Variants in TUSC3 observed in about 807,000 individuals in gnomAD.
The protein encoded by TUSC3 is dolichyl-diphosphooligosaccharide--protein glycosyltransferase subunit TUSC3.
In TUSC3, 45 loss-of-function variants were observed where a neutral mutation model predicts 44.8. The observed-to-expected ratio is 1.00, with a 90% CI of 0.79 to 1.29. TUSC3 has a LOEUF of 1.29. Among genes scored for constraint, TUSC3 ranks in the 50% most tolerant of loss-of-function variants. The probability of loss-of-function intolerance (pLI) is 0.00; values close to 1 mark genes in which losing one functional copy is unlikely to be tolerated. For missense variants in TUSC3, 519 were observed against 437.9 expected, an observed-to-expected ratio of 1.19 and a Z score of -1.65; for synonymous variants, 212 against 152.9, an observed-to-expected ratio of 1.39 and a Z score of -2.85.
At chr8:15,508,800 C>T (rs1038699825) in intron 2 of TUSC3, among the ~76,000 whole-genome samples, 4 of 152,080 alleles carry the variant, frequency 2.6e-5, no homozygotes, top group African/African-American at 4.8e-5. Context: ...AAAAAGTAGG[C>T]ATTAATAAAG....
chr8:15,846,582 T>A, the TUSC3 span, among the ~76,000 whole-genome samples: 1 of 151,922 alleles, frequency 6.6e-6, no homozygotes, highest in African/African-American at 2.4e-5. Context: ...CTGGAAACCA[T>A]CATTTTCAGC....
chr8:15,825,284 T>C, the TUSC3 span, among the ~76,000 whole-genome samples: 4 of 152,322 alleles, frequency 2.6e-5, no homozygotes, highest in African/African-American at 9.6e-5. Flanking sequence ...AGAGGTTTAC[T>C]GGACTTACAG....
rs192495514 is a variant in TUSC3 at position 15,659,874 on chromosome 8, G to A, written c.567+227G>A. ...TTTAAAAGCCATTAAAAATACAGGA[G>A]TTAAGCACAAGGTAATTTCAGAGGC... On this transcript the variant is annotated intron_variant, in intron 4 of 10. Transcript: ENST00000503731. Among the ~76,000 whole-genome samples the A allele has an allele frequency of 1.1e-4, 17 of 152,186 alleles. No homozygotes were observed. In the East Asian group the frequency reaches 2.5e-3, roughly 22 times the overall value.
At chr8:15,638,568 T>C (rs951566358) in intron 2 of TUSC3, among the ~76,000 whole-genome samples, 7 of 143,212 alleles carry the variant, frequency 4.9e-5, no homozygotes, top group Middle Eastern at 3.6e-3. Context: ...CTGTTGCCCA[T>C]GCTGGAGTGC....
chr8:15,760,306 G>A (rs1457437493), intron 10 of TUSC3, among the ~76,000 whole-genome samples: 1 of 152,122 alleles, frequency 6.6e-6, no homozygotes, highest in Non-Finnish European at 1.5e-5. Flanking sequence ...TGGGAATTAT[G>A]TAATACATAT....
At chr8:15,437,663 G>A (rs934997219) in intron 1 of TUSC3, among the ~76,000 whole-genome samples, 8 of 152,168 alleles carry the variant, frequency 5.3e-5, no homozygotes, top group Admixed American at 4.6e-4. Context: ...ACTAAAAGTA[G>A]GACTCGCTTT....
intron 2 of TUSC3, among the ~76,000 whole-genome samples, chr8:15,645,413 A>C (rs111336471): frequency 6.6e-6 from 1 of 151,748 alleles, no homozygotes; most frequent in African/African-American, 2.4e-5. Flanking sequence ...CAGACATACC[A>C]CCATTATTTT....
At chr8:15,656,159 CT>C (rs1807154554) in intron 3 of TUSC3, among the ~76,000 whole-genome samples, 1 of 152,042 alleles carries the variant, frequency 6.6e-6, no homozygotes, top group African/African-American at 2.4e-5. Context: ...TATTCTGCCC[CT>C]AACCCTACCA....
chr8:15,660,522 A>G (rs1397456284), intron 4 of TUSC3, among the ~76,000 whole-genome samples: 2 of 151,952 alleles, frequency 1.3e-5, no homozygotes, highest in Non-Finnish European at 2.9e-5. Context: ...ACTACTTTTG[A>G]CAGTAAACAA....
chr8:15,570,209 C>G (rs971183518), intron 1 of TUSC3, among the ~76,000 whole-genome samples: 1 of 151,686 alleles, frequency 6.6e-6, no homozygotes, highest in African/African-American at 2.4e-5. Flanking sequence ...ATTTATTTCA[C>G]AAAACACTCC....
At chr8:15,691,057 TGATAGAAATATCACTGAA>T in intron 6 of TUSC3, among the ~76,000 whole-genome samples, 1 of 141,802 alleles carries the variant, frequency 7.1e-6, no homozygotes, top group Non-Finnish European at 1.6e-5. Flanking sequence ...CTTGGTAGTT[TGATAGAAATATCACTGAA>T]TTTGTGGATT....
chr8:15,595,243 C>T (rs1329501936), intron 1 of TUSC3, among the ~76,000 whole-genome samples: 1 of 152,184 alleles, frequency 6.6e-6, no homozygotes, highest in African/African-American at 2.4e-5. Flanking sequence ...AATTTCTTTA[C>T]ACATAGGATT....
chr8:15,732,380 G>A (rs1338992636), intron 7 of TUSC3, among the ~76,000 whole-genome samples: 2 of 152,134 alleles, frequency 1.3e-5, no homozygotes, highest in Non-Finnish European at 2.9e-5. Context: ...CCCTGCACAT[G>A]CTGTCTCTTT....
chr8:15,577,696 A>G (rs1803169702), intron 1 of TUSC3, among the ~76,000 whole-genome samples: 1 of 144,760 alleles, frequency 6.9e-6, no homozygotes. Flanking sequence ...TACCAGTACC[A>G]TGCTGTTTTG....
chr8:15,756,499 T>C (rs1308882259), intron 9 of TUSC3, among the ~76,000 whole-genome samples: 1 of 152,192 alleles, frequency 6.6e-6, no homozygotes, highest in Admixed American at 6.5e-5. Flanking sequence ...TGTTTTTCAT[T>C]AAGTATTCAT....
intron 1 of TUSC3, among the ~76,000 whole-genome samples, chr8:15,613,131 T>C (rs967366064): frequency 2.0e-5 from 3 of 150,290 alleles, no homozygotes; most frequent in Non-Finnish European, 3.0e-5. Flanking sequence ...ATGGACACTT[T>C]TTAGTGCTAG....
rs576869712 is a variant in TUSC3, at chr8:15,685,057, C to T, written c.798+11221C>T. Among the ~76,000 whole-genome samples, 6 of 152,334 alleles carry T rather than the reference C, an allele frequency of 3.9e-5. No individual in the cohort carries two copies. The East Asian group carries it at 1.2e-3, about 29-fold the overall frequency. Reference sequence around the variant, plus strand: ...TACAGCCACTCAGTACAGCATGGCACACCTCGGGGCGTGAACACCTTTGGT... The same window carrying T: ...TACAGCCACTCAGTACAGCATGGCATACCTCGGGGCGTGAACACCTTTGGT... On this transcript the variant is annotated intron_variant, in intron 6 of 10. Coordinates refer to ENST00000503731, the MANE Select transcript of TUSC3 (RefSeq NM_006765.4).
At position 15,548,374 on chromosome 8, in the gene TUSC3, T is replaced by G. The variant is rs149215476; in HGVS notation, c.138+7806T>G. Among the ~76,000 whole-genome samples the G allele has an allele frequency of 8.0e-4, 121 of 151,958 alleles. 1 individual carries two copies. The highest frequency in any genetic ancestry group is 2.8e-3 in the African/African-American group (115 of 41,528). ...TTTCAGCATCTTGCAAATTATTGTT[T>G]TAGAAGTGAGTATATGATACAGTTG... On this transcript the variant is annotated intron_variant, in intron 1 of 10. Transcript: ENST00000503731.
chr8:15,508,713 G>A (rs1801093105), intron 2 of TUSC3, among the ~76,000 whole-genome samples: 1 of 152,122 alleles, frequency 6.6e-6, no homozygotes, highest in African/African-American at 2.4e-5. Flanking sequence ...CACCCGCCTG[G>A]GCGTCCCAAA....
Sources: allele counts gnomAD v4.1 joint callset (sites outside exome capture counted in the v4.1 genomes callset), GRCh38; gene constraint gnomAD v4.1.1; transcripts MANE v1.5; gene names NCBI Gene and HGNC (gene_info 2026-07-23, HGNC 2026-07-21).